The following TRPS1 variants were observed in gnomAD, a reference collection of about 807,000 sequenced individuals.
TRPS1 encodes transcriptional repressor GATA binding 1, also known as zinc finger transcription factor Trps1.
In TRPS1, 6 loss-of-function variants were observed where a neutral mutation model predicts 101.2. That is an observed-to-expected ratio of 0.06 (90% confidence interval 0.03 to 0.12). The LOEUF (loss-of-function observed/expected upper bound fraction) is 0.12. Ranked by LOEUF, TRPS1 falls within the 10% of genes least tolerant of loss-of-function variation. The pLI is 1.00. For synonymous variants in TRPS1, 578 were observed against 589.8 expected (o/e 0.98, Z 0.29); for missense variants, 1,363 against 1,567.0 (o/e 0.87, Z 2.20).
chr8:115,515,575 A>AT (rs1170304675), intron 5 of TRPS1, among the ~76,000 whole-genome samples: 5 of 63,680 alleles, frequency 7.9e-5, no homozygotes, highest in African/African-American at 3.1e-4. Flanking sequence ...TTTCATGTTG[A>AT]TAAGACATTA....
chr8:115,433,263 T>G lies in TRPS1; in HGVS notation c.2701-14811A>C, dbSNP rs182274768. On this transcript the variant is annotated intron_variant, in intron 5 of 6. Coordinates refer to ENST00000395715, the MANE Select transcript of TRPS1 (RefSeq NM_014112.5). ...ATGTTCGGCCTGTTAGTAAGGCCCT[T>G]TCCAGGTTTTTACTTTTGAAAAAAA... is the stretch of plus-strand genomic sequence containing the variant. 5.3e-3 allele frequency among the ~76,000 whole-genome samples: 801 copies of G among 152,090 alleles called. 7 individuals carry two copies. The highest frequency in any genetic ancestry group is 9.4e-3 in the Non-Finnish European group (637 of 67,880).
Position 115,546,581 on chromosome 8 carries a change from GAC to G in TRPS1, c.2700+40418_2700+40419del, listed in dbSNP as rs71287285. 2.6e-3 allele frequency among the ~76,000 whole-genome samples: 379 copies of G among 147,730 alleles called. 1 individual carries two copies. The highest frequency in any genetic ancestry group is 5.7e-3 in the African/African-American group (229 of 40,276). The stretch of plus-strand genomic sequence containing the variant: ...TGTAACTCTCTGGCATGTAAAATGT[GAC>G]ACACACACACACACACACACACACA... On this transcript the variant is annotated intron_variant, in intron 5 of 6. Coordinates refer to ENST00000395715, the MANE Select transcript of TRPS1 (RefSeq NM_014112.5).
intron 5 of TRPS1, among the ~76,000 whole-genome samples, chr8:115,507,776 A>G (rs1414466882): frequency 6.6e-6 from 1 of 152,134 alleles, no homozygotes; most frequent in East Asian, 1.9e-4. Flanking sequence ...CAGATTGAGA[A>G]GTAACATTTA....
At position 115,408,759 on chromosome 8, in the gene TRPS1, A is replaced by T. The variant is rs546182400; in HGVS notation, c.*5264T>A. On this transcript the variant is annotated 3_prime_UTR_variant, in exon 7 of 7. Transcript: ENST00000395715. ...AACATGAAATCATTCCATATGAAAG[A>T]CATTTTCTGCTGGTGAATATTGCTG... The T allele has an allele frequency of 5.9e-5, 9 of 152,352 alleles. No homozygotes were observed. In the East Asian group the frequency reaches 1.8e-3, roughly 30 times the overall value. 9.4% of individuals were successfully genotyped at this position (152,352 alleles called of 1,614,324 possible). A position where few individuals can be genotyped will look rare whatever the true frequency, so the allele number is the denominator to read the frequency against.
rs147788498 is a variant in TRPS1 at position 115,562,239 on chromosome 8, T to C, written c.2700+24762A>G. On this transcript the variant is annotated intron_variant, in intron 5 of 6. Transcript: ENST00000395715. ...CTGTAGAGCCATTTAAACGTACTTATATCAAAGAGGAAGACCATTCCCTTT... is the reference window on the plus strand; with the variant it reads ...CTGTAGAGCCATTTAAACGTACTTACATCAAAGAGGAAGACCATTCCCTTT... Among the ~76,000 whole-genome samples the C allele has an allele frequency of 9.2e-5, 14 of 152,224 alleles. No individual in the cohort carries two copies. The East Asian group carries it at 2.7e-3, about 29-fold the overall frequency.
Position 115,414,921 on chromosome 8 carries a change from C to G in TRPS1, c.2987G>C (p.Arg996Thr). The G allele has an allele frequency of 6.2e-7, 1 of 1,606,874 alleles. No homozygotes were observed. The part of the protein sequence containing the change: ...EQVNGSPLER[R>T]SEDHLTESHQ... ...ACTTTCAGTTAGATGATCTTCTGAC[C>G]TCCTCTCTAACGGGCTTCCATTGAC... The change falls in exon 7 of 7, where the codon AGG becomes ACG. Residue 996 changes from arginine (R) to threonine (T), a missense_variant. Coordinates refer to ENST00000395715, the MANE Select transcript of TRPS1 (RefSeq NM_014112.5). The surrounding 1 kb of genome is among the most constrained non-coding windows in gnomAD (Gnocchi z 4.8).
chr8:115,571,864 T>C (rs1011380008), intron 5 of TRPS1, among the ~76,000 whole-genome samples: 3 of 152,024 alleles, frequency 2.0e-5, no homozygotes, highest in Non-Finnish European at 4.4e-5. Flanking sequence ...TTCATGTATA[T>C]TTTTTTCTTT....
chr8:115,598,422 C>G (rs182600245), intron 4 of TRPS1, among the ~76,000 whole-genome samples: 2 of 152,226 alleles, frequency 1.3e-5, no homozygotes, highest in East Asian at 3.9e-4. Context: ...ATCCTCCCAT[C>G]TCAGCGCCTG....
At chr8:115,434,097 A>AG (rs5894260) in intron 5 of TRPS1, among the ~76,000 whole-genome samples, 152,238 of 152,238 alleles carry the variant, frequency 1, 76,119 homozygotes, top group Non-Finnish European at 1. Flanking sequence ...TAATTAGCCC[A>AG]GGATATCCAT....
At chr8:115,552,894 C>T (rs1816736101) in intron 5 of TRPS1, among the ~76,000 whole-genome samples, 1 of 152,010 alleles carries the variant, frequency 6.6e-6, no homozygotes, top group Non-Finnish European at 1.5e-5. Context: ...GCAATATCCA[C>T]AGTGAAAGGT....
rs370908397 is a variant in TRPS1 at position 115,604,709 on chromosome 8, A to G, written c.1260T>C (p.Asp420=). 1.2e-6 allele frequency: 2 copies of G among 1,613,770 alleles called. No individual in the cohort carries two copies. The highest frequency in any genetic ancestry group is 1.7e-6 in the Non-Finnish European group (2 of 1,179,928). Residue 420 remains aspartate, a synonymous_variant, in exon 4 of 7, where the codon GAT becomes GAC. Coordinates refer to ENST00000395715, the MANE Select transcript of TRPS1 (RefSeq NM_014112.5). The surrounding 1 kb of genome is among the most constrained non-coding windows in gnomAD (Gnocchi z 4.1). The part of the protein sequence containing the change: ...WQDKITVKAG[D]DTPVGYSVPI... ...GCACTGAGTACCCAACAGGAGTGTC[A>G]TCTCCTGCTTTGACTGTTATCTTGT... is the stretch of plus-strand genomic sequence containing the variant.
At chr8:115,415,947 A>T (rs1812909091) in intron 6 of TRPS1, among the ~76,000 whole-genome samples, 1 of 152,210 alleles carries the variant, frequency 6.6e-6, no homozygotes, top group Admixed American at 6.5e-5. Flanking sequence ...AACTGACAGA[A>T]TTGTGAGGAA....
At chr8:115,509,633 C>T (rs551534151) in intron 5 of TRPS1, 56 of 152,088 alleles carry the variant, frequency 3.7e-4, no homozygotes, top group African/African-American at 1.1e-3. Flanking sequence ...AGAATTTGCA[C>T]TAGGGAAGTT....
chr8:115,453,947 C>T (rs146963852), intron 5 of TRPS1, among the ~76,000 whole-genome samples: 28 of 152,288 alleles, frequency 1.8e-4, no homozygotes, highest in African/African-American at 6.7e-4. Context: ...TTCAGTGAAG[C>T]TGAAATAGGT....
intron 5 of TRPS1, among the ~76,000 whole-genome samples, chr8:115,458,353 C>A (rs1814081332): frequency 6.6e-6 from 1 of 152,182 alleles, no homozygotes; most frequent in South Asian, 2.1e-4. Context: ...GACATGCCAT[C>A]CTTTTAATCA....
At chr8:115,618,923 A>T (rs1214321501) in intron 3 of TRPS1, among the ~76,000 whole-genome samples, 1 of 152,180 alleles carries the variant, frequency 6.6e-6, no homozygotes, top group Non-Finnish European at 1.5e-5. Flanking sequence ...AAATGCTAGG[A>T]TTGTTTTCCA....
chr8:115,518,308 A>G (rs1815771916), intron 5 of TRPS1, among the ~76,000 whole-genome samples: 1 of 151,886 alleles, frequency 6.6e-6, no homozygotes, highest in South Asian at 2.1e-4. Context: ...CACTTTTATT[A>G]TTCCAGGCTA....
chr8:115,474,747 T>C (rs1439545482), intron 5 of TRPS1, among the ~76,000 whole-genome samples: 1 of 152,110 alleles, frequency 6.6e-6, no homozygotes, highest in East Asian at 1.9e-4. Flanking sequence ...CGGTTTCAAA[T>C]GTACAAAATG....
chr8:115,668,720 AG>A lies in TRPS1; in HGVS notation c.-298del, dbSNP rs1265658061. 7.1e-5 allele frequency: 1 copy of A among 14,082 alleles called. No individual in the cohort carries two copies. The highest frequency in any genetic ancestry group is 1.9e-4 in the African/African-American group (1 of 5,244). 0.9% of individuals were successfully genotyped at this position (14,082 alleles called of 1,614,324 possible). On this transcript the variant is annotated 5_prime_UTR_variant, in exon 1 of 7. Transcript: ENST00000395715. Reference sequence around the variant, plus strand: ...CCCTCCCCCACCCTTATTAAAAAAGAGAGAGAGAGAGAGAGAGAGAGAAAGA... The same window carrying A: ...CCCTCCCCCACCCTTATTAAAAAAGAAGAGAGAGAGAGAGAGAGAGAAAGA...
Sources: allele counts gnomAD v4.1 joint callset (sites outside exome capture counted in the v4.1 genomes callset), GRCh38; gene constraint gnomAD v4.1.1; non-coding constraint Gnocchi (gnomAD v3.1); transcripts MANE v1.5; gene names NCBI Gene and HGNC (gene_info 2026-07-23, HGNC 2026-07-21).